The following MIPOL1 variants were observed in gnomAD, a reference collection of about 807,000 sequenced individuals.
MIPOL1 encodes mirror-image polydactyly 1.
In MIPOL1, 57 loss-of-function variants were observed where a neutral mutation model predicts 60.9. The ratio of observed to expected loss-of-function variants is 0.94; its 90% confidence interval spans 0.76 to 1.17. MIPOL1 has a LOEUF of 1.17. Among genes scored for constraint, MIPOL1 ranks in the 50% most tolerant of loss-of-function variants. The pLI, the probability that MIPOL1 is intolerant of heterozygous loss-of-function variation, is 0.00. For missense variants in MIPOL1, 551 were observed against 511.6 expected, an observed-to-expected ratio of 1.08 and a Z score of -0.74; for synonymous variants, 179 against 168.8, an observed-to-expected ratio of 1.06 and a Z score of -0.47.
intron 11 of MIPOL1, among the ~76,000 whole-genome samples, chr14:37,470,826 G>T (rs892893535): frequency 2.0e-5 from 3 of 152,110 alleles, no homozygotes; most frequent in African/African-American, 7.2e-5. Context: ...GAAGTGTATT[G>T]TCATGGAAAT....
chr14:37,448,518 T>G (rs1422485238), intron 11 of MIPOL1, among the ~76,000 whole-genome samples: 1 of 152,206 alleles, frequency 6.6e-6, no homozygotes, highest in Non-Finnish European at 1.5e-5. Flanking sequence ...TTTATTGACT[T>G]TTTTCTTCTT....
At chr14:37,230,947 CTCTATCTA>C (rs926454752) in intron 1 of MIPOL1, among the ~76,000 whole-genome samples, 2 of 151,990 alleles carry the variant, frequency 1.3e-5, no homozygotes, top group Admixed American at 6.6e-5. Flanking sequence ...TTCCATATAT[CTCTATCTA>C]TCTATCTATA....
intron 11 of MIPOL1, among the ~76,000 whole-genome samples, chr14:37,478,527 C>T (rs1290767679): frequency 1.3e-5 from 2 of 151,892 alleles, no homozygotes; most frequent in African/African-American, 4.8e-5. Context: ...AACAAAACCA[C>T]CAGAAAACAA....
At chr14:37,474,911 A>G (rs1395369173) in intron 11 of MIPOL1, among the ~76,000 whole-genome samples, 4 of 152,066 alleles carry the variant, frequency 2.6e-5, no homozygotes, top group Admixed American at 6.6e-5. Context: ...TTAACCATCT[A>G]TATATTTTCT....
At chr14:37,522,948 A>T (rs1462916997) in intron 12 of MIPOL1, among the ~76,000 whole-genome samples, 1 of 152,124 alleles carries the variant, frequency 6.6e-6, no homozygotes, top group Non-Finnish European at 1.5e-5. Context: ...TACAATTTTT[A>T]TCCTTAGTAA....
At chr14:37,385,387 T>TA (rs1397586621) in intron 10 of MIPOL1, 1 of 152,100 alleles carries the variant, frequency 6.6e-6, no homozygotes, top group African/African-American at 2.4e-5. Context: ...GGTATTGCTT[T>TA]AAAAAACAGA....
intron 11 of MIPOL1, among the ~76,000 whole-genome samples, chr14:37,434,899 G>A (rs1317137614): frequency 1.3e-5 from 2 of 150,496 alleles, no homozygotes; most frequent in African/African-American, 4.9e-5. Context: ...CTAGATTGCT[G>A]TTTGATCAAA....
At chr14:37,223,805 C>T (rs1257300762) in intron 1 of MIPOL1, among the ~76,000 whole-genome samples, 1 of 152,176 alleles carries the variant, frequency 6.6e-6, no homozygotes. Flanking sequence ...CTGGCCCCTC[C>T]TGGGTGTTTT....
intron 10 of MIPOL1, among the ~76,000 whole-genome samples, chr14:37,405,587 T>A (rs1234434626): frequency 6.6e-6 from 1 of 152,094 alleles, no homozygotes; most frequent in Non-Finnish European, 1.5e-5. Context: ...TGTTTATTTT[T>A]ATAATAAATG....
At chr14:37,383,922 A>G (rs537603281) in intron 10 of MIPOL1, among the ~76,000 whole-genome samples, 1 of 151,990 alleles carries the variant, frequency 6.6e-6, no homozygotes, top group East Asian at 1.9e-4. Flanking sequence ...TATTTAACAT[A>G]CAAATGAACT....
chr14:37,444,843 G>A (rs574833814), intron 11 of MIPOL1, among the ~76,000 whole-genome samples: 1 of 152,260 alleles, frequency 6.6e-6, no homozygotes, highest in South Asian at 2.1e-4. Context: ...TATCTCAATA[G>A]ATGCAGAAAA....
intron 9 of MIPOL1, among the ~76,000 whole-genome samples, chr14:37,341,923 C>G (rs7154977): frequency 0.97 from 147,553 of 152,310 alleles, 71,549 homozygotes; most frequent in East Asian, 1. Flanking sequence ...ATTATTCTTT[C>G]CTTTTGATTT....
Position 37,285,401 on chromosome 14 carries a change from G to C in MIPOL1, c.577G>C (p.Asp193His). 1 of 1,613,958 alleles carries C rather than the reference G, an allele frequency of 6.2e-7. No individual in the cohort carries two copies. Among genetic ancestry groups the C allele is most frequent in the Non-Finnish European group, 8.5e-7 (1 of 1,179,956 alleles). Residue 193 changes from aspartate to histidine, a missense_variant, in exon 7 of 13, where the codon GAT becomes CAT. Physicochemically the swap from Asp to His is moderately conservative, Grantham distance 81. Transcript: ENST00000684589. ...ACTGCAATTAGCCATTGAGGAGAGA[G>C]ATGAAGCAATTGCACGAGCCAAGCA... ...SRLQLAIEER[D>H]EAIARAKHME...
chr14:37,340,214 C>G (rs538599094), intron 9 of MIPOL1, among the ~76,000 whole-genome samples: 3 of 151,466 alleles, frequency 2.0e-5, no homozygotes, highest in Non-Finnish European at 4.4e-5. Context: ...TGGTCCTGAC[C>G]CTAGGTTAAT....
chr14:37,427,562 G>A (rs1343444400), intron 11 of MIPOL1, among the ~76,000 whole-genome samples: 1 of 152,044 alleles, frequency 6.6e-6, no homozygotes, highest in Non-Finnish European at 1.5e-5. Context: ...GATTAAAATA[G>A]TAAATTTTAT....
intron 9 of MIPOL1, among the ~76,000 whole-genome samples, chr14:37,341,378 A>G (rs959666374): frequency 1.7e-4 from 26 of 152,200 alleles, no homozygotes; most frequent in African/African-American, 6.0e-4. Flanking sequence ...GATTTTAGCA[A>G]GTATGCTAGC....
intron 12 of MIPOL1, among the ~76,000 whole-genome samples, chr14:37,532,849 A>C: frequency 6.6e-6 from 1 of 152,302 alleles, no homozygotes; most frequent in Admixed American, 6.5e-5. Flanking sequence ...GTAACATATT[A>C]ATATGTTTTT....
intron 11 of MIPOL1, among the ~76,000 whole-genome samples, chr14:37,483,665 T>C (rs1566688661): frequency 6.6e-6 from 1 of 152,068 alleles, no homozygotes; most frequent in Non-Finnish European, 1.5e-5. Context: ...GGGCAGAGTC[T>C]TGCTCTGTGG....
At chr14:37,295,323 A>G (rs1044999126) in intron 7 of MIPOL1, among the ~76,000 whole-genome samples, 2 of 152,186 alleles carry the variant, frequency 1.3e-5, no homozygotes, top group African/African-American at 4.8e-5. Flanking sequence ...ATGGAAAGGA[A>G]CAACCGGTAC....
Sources: gnomAD v4.1 joint callset for allele counts (sites outside exome capture counted in the v4.1 genomes callset) on GRCh38, gnomAD v4.1.1 for gene constraint, MANE v1.5 for transcripts, NCBI Gene and HGNC (gene_info 2026-07-23, HGNC 2026-07-21) for gene names.